CCDC33: variants seen among roughly 807,000 people sequenced by gnomAD.
The protein encoded by CCDC33 is coiled-coil domain containing 33, also known as coiled-coil domain-containing protein 33.
CCDC33 carries 94 observed loss-of-function variants against 91.9 expected under a neutral mutation model. The observed-to-expected ratio is 1.02, with a 90% CI of 0.87 to 1.21. The LOEUF is 1.21. Among genes scored for constraint, CCDC33 ranks in the 50% most tolerant of loss-of-function variants. The pLI is 0.00. For missense variants in CCDC33, 940 were observed against 935.5 expected (o/e 1.00, Z -0.06); for synonymous variants, 396 against 374.5 (o/e 1.06, Z -0.66).
upstream of CCDC33, among the ~76,000 whole-genome samples, chr15:74,235,673 C>G (rs1160462669): frequency 6.6e-6 from 1 of 152,208 alleles, no homozygotes; most frequent in Non-Finnish European, 1.5e-5. Flanking sequence ...ACTTAGGACC[C>G]TGCCTGGCGT....
chr15:74,306,416 A>G (rs4887131), intron 11 of CCDC33, among the ~76,000 whole-genome samples: 2 of 152,098 alleles, frequency 1.3e-5, no homozygotes, highest in Admixed American at 6.5e-5. Context: ...CCAACCAAGC[A>G]TCAGTGGCGG....
At chr15:74,221,663 C>T (rs1481109128) in intron 2 of CCDC33, 1 of 152,198 alleles carries the variant, frequency 6.6e-6, no homozygotes. Context: ...ATCACAGCTC[C>T]AAGATAGAGG....
At chr15:74,335,116 A>C in intron 18 of CCDC33, 28 bp downstream of exon 18, 2 of 1,553,552 alleles carry the variant, frequency 1.3e-6, no homozygotes, top group South Asian at 2.2e-5. Context: ...AGTAGCTCCC[A>C]GGGGTTCAGG....
rs532841978 is a variant in CCDC33, at chr15:74,286,112, G to C, written c.1095+4263G>C. The stretch of plus-strand genomic sequence containing the variant: ...AATGCAAAAATTAGTTGGGTGTGGT[G>C]GTGGGTGCCTGTAATCCCAGCTACT... On this transcript the variant is annotated intron_variant, in intron 10 of 18. Transcript: ENST00000398814. Among the ~76,000 whole-genome samples the C allele has an allele frequency of 5.3e-5, 8 of 152,236 alleles. No homozygotes were observed. The Middle Eastern group carries it at 0.01, about 194-fold the overall frequency.
chr15:74,310,089 T>C (rs1420404655), intron 11 of CCDC33, among the ~76,000 whole-genome samples: 1 of 151,662 alleles, frequency 6.6e-6, no homozygotes, highest in Non-Finnish European at 1.5e-5. Flanking sequence ...AGGTTGAGGC[T>C]GCGGGCAGTG....
chr15:74,208,056 A>T, intron 1 of CCDC33: 1 of 1,283,190 alleles, frequency 7.8e-7, no homozygotes, highest in Non-Finnish European at 1.0e-6. Context: ...TCATAACATA[A>T]AGGATTTAGA....
intron 11 of CCDC33, among the ~76,000 whole-genome samples, chr15:74,306,334 C>T (rs982227895): frequency 1.3e-5 from 2 of 152,172 alleles, no homozygotes; most frequent in Non-Finnish European, 1.5e-5. Context: ...ACTCCCACCC[C>T]AGGCAGTGCA....
At chr15:74,236,018 C>T (rs1595909092), upstream of CCDC33, among the ~76,000 whole-genome samples, 1 of 152,176 alleles carries the variant, frequency 6.6e-6, no homozygotes, top group East Asian at 1.9e-4. Flanking sequence ...GTAGATTCTT[C>T]AACAGAAGTA....
At chr15:74,204,282 C>T (rs2074205045) in intron 1 of CCDC33, among the ~76,000 whole-genome samples, 1 of 152,238 alleles carries the variant, frequency 6.6e-6, no homozygotes, top group South Asian at 2.1e-4. Flanking sequence ...TCCCACCCCT[C>T]CTCCTGCCTT....
chr15:74,335,211 A>T (rs1401966798), intron 18 of CCDC33, 123 bp downstream of exon 18: 1 of 810,072 alleles, frequency 1.2e-6, no homozygotes, highest in South Asian at 1.3e-5. Context: ...GCTGGGGGTC[A>T]GGAGTCCTAG....
At chr15:74,219,356 T>A (rs1232344555) in intron 2 of CCDC33, among the ~76,000 whole-genome samples, 1 of 152,228 alleles carries the variant, frequency 6.6e-6, no homozygotes, top group Non-Finnish European at 1.5e-5. Flanking sequence ...CCAGACAGCA[T>A]GTCTAGTAGG....
chr15:74,318,948 G>C (rs2060151240), intron 11 of CCDC33, among the ~76,000 whole-genome samples: 1 of 151,246 alleles, frequency 6.6e-6, no homozygotes, highest in Non-Finnish European at 1.5e-5. Context: ...CCTCCTGCTA[G>C]TCTGGGCCCT....
At chr15:74,278,071 C>T (rs903931675) in intron 7 of CCDC33, among the ~76,000 whole-genome samples, 2 of 152,244 alleles carry the variant, frequency 1.3e-5, no homozygotes, top group Non-Finnish European at 2.9e-5. Context: ...GAACCAACTT[C>T]TCTCACCGGA....
intron 5 of CCDC33, 118 bp downstream of exon 5, chr15:74,268,576 T>G: frequency 1.4e-6 from 1 of 724,896 alleles, no homozygotes; most frequent in Non-Finnish European, 2.4e-6. Context: ...GGAGCAGAGA[T>G]GTCAAGAATG....
chr15:74,296,081 C>T, intron 11 of CCDC33, 133 bp downstream of exon 11: 1 of 710,236 alleles, frequency 1.4e-6, no homozygotes. Flanking sequence ...GCACACTCTG[C>T]ATGTGAGTTA....
intron 15 of CCDC33, among the ~76,000 whole-genome samples, chr15:74,331,866 C>A (rs7167605): frequency 0.012 from 1,778 of 152,178 alleles, 28 homozygotes; most frequent in African/African-American, 0.041. Flanking sequence ...CCCATCTCTA[C>A]TAAAAATACA....
At chr15:74,314,076 T>C (rs937223286) in intron 11 of CCDC33, among the ~76,000 whole-genome samples, 4 of 152,194 alleles carry the variant, frequency 2.6e-5, no homozygotes, top group Non-Finnish European at 4.4e-5. Context: ...TATGCCTGTA[T>C]CACCTGACAA....
At chr15:74,219,789 T>G (rs2074541787) in intron 2 of CCDC33, among the ~76,000 whole-genome samples, 1 of 152,158 alleles carries the variant, frequency 6.6e-6, no homozygotes, top group Non-Finnish European at 1.5e-5. Flanking sequence ...TGGGTAAGAC[T>G]TAGGGATAGC....
intron 10 of CCDC33, among the ~76,000 whole-genome samples, chr15:74,290,709 G>T (rs2059569888): frequency 6.6e-6 from 1 of 152,222 alleles, no homozygotes; most frequent in Non-Finnish European, 1.5e-5. Flanking sequence ...ACTGTAATGG[G>T]CAGTGAGACT....
Sources: gnomAD v4.1 joint callset for allele counts (sites outside exome capture counted in the v4.1 genomes callset) on GRCh38, gnomAD v4.1.1 for gene constraint, MANE v1.5 for transcripts, NCBI Gene and HGNC (gene_info 2026-07-23, HGNC 2026-07-21) for gene names.